The following LRBA variants were observed in gnomAD, a reference collection of about 807,000 sequenced individuals.
LRBA encodes the protein lipopolysaccharide-responsive and beige-like anchor protein.
LRBA carries 176 observed loss-of-function variants against 330.0 expected under a neutral mutation model. The observed-to-expected ratio is 0.53, with a 90% CI of 0.47 to 0.60. The LOEUF is 0.60. Among genes scored for constraint, LRBA ranks in the 20% least tolerant of loss-of-function variants. The pLI, the probability that LRBA is intolerant of heterozygous loss-of-function variation, is 0.00. For missense variants in LRBA, 3,259 were observed against 3,444.8 expected (o/e 0.95, Z 1.35); for synonymous variants, 1,230 against 1,193.0 (o/e 1.03, Z -0.64).
At chr4:150,545,555 C>T (rs3922785) in intron 40 of LRBA, among the ~76,000 whole-genome samples, 9,562 of 151,992 alleles carry the variant, frequency 0.063, 485 homozygotes, top group East Asian at 0.18. Context: ...AAAAATAATT[C>T]GCAACTTAAC....
In LRBA at chr4:150,274,284, G is replaced by A. The variant is rs190252087; in HGVS notation, c.8468+3569C>T. 6.6e-5 allele frequency among the ~76,000 whole-genome samples: 10 copies of A among 152,306 alleles called. No individual in the cohort carries two copies. In the East Asian group the frequency reaches 9.6e-4, roughly 15 times the overall value. ...ATGAGAACAAAGACACAACATACCA[G>A]AATCTCTGGGACACATTTAAAATAG... On this transcript the variant is annotated intron_variant, in intron 56 of 56. Transcript: ENST00000651943.
At chr4:150,360,969 C>T (rs1487290725) in intron 47 of LRBA, among the ~76,000 whole-genome samples, 1 of 152,144 alleles carries the variant, frequency 6.6e-6, no homozygotes, top group East Asian at 1.9e-4. Context: ...CTTAAAGGTC[C>T]TTAGTTAGAG....
intron 12 of LRBA, 151 bp from the exon 13 acceptor site, chr4:150,906,141 A>G (rs953534289): frequency 2.1e-5 from 17 of 819,578 alleles, no homozygotes; most frequent in Middle Eastern, 3.0e-4. Flanking sequence ...TGATAGAGGA[A>G]TGGAGGCAAG....
intron 34 of LRBA, among the ~76,000 whole-genome samples, chr4:150,792,194 A>T (rs1740047437): frequency 6.7e-6 from 1 of 149,290 alleles, no homozygotes. Flanking sequence ...CCGGATAGTA[A>T]GTTTTAGTTA....
At chr4:150,784,184 A>G (rs772947069) in intron 34 of LRBA, among the ~76,000 whole-genome samples, 1 of 152,216 alleles carries the variant, frequency 6.6e-6, no homozygotes. Flanking sequence ...GCTAATTAAC[A>G]TATCTATAGC....
At chr4:150,636,577 G>A (rs1374720725) in intron 37 of LRBA, among the ~76,000 whole-genome samples, 1 of 152,168 alleles carries the variant, frequency 6.6e-6, no homozygotes, top group Admixed American at 6.5e-5. Flanking sequence ...GGCTTTAGGT[G>A]CATTCATTGC....
chr4:150,467,047 G>C (rs1347093087), intron 44 of LRBA, among the ~76,000 whole-genome samples: 1 of 152,068 alleles, frequency 6.6e-6, no homozygotes, highest in Non-Finnish European at 1.5e-5. Flanking sequence ...ATACCAGAGA[G>C]CATGAAAGTT....
chr4:150,868,526 T>C (rs1339724402), intron 20 of LRBA, among the ~76,000 whole-genome samples: 2 of 152,120 alleles, frequency 1.3e-5, no homozygotes, highest in Non-Finnish European at 2.9e-5. Flanking sequence ...GATTCAAATG[T>C]GCAAAAATAA....
intron 2 of LRBA, among the ~76,000 whole-genome samples, chr4:150,966,730 A>G (rs1263042841): frequency 6.6e-6 from 1 of 152,220 alleles, no homozygotes; most frequent in Non-Finnish European, 1.5e-5. Context: ...TGCTAGTTTA[A>G]GCATTTGGCT....
chr4:150,488,619 T>A (rs1436498584), intron 41 of LRBA, among the ~76,000 whole-genome samples: 1 of 151,336 alleles, frequency 6.6e-6, no homozygotes, highest in South Asian at 2.1e-4. Context: ...AATCATACAA[T>A]CTTGAGAGAG....
chr4:150,492,007 T>A (rs1013831517), intron 40 of LRBA, among the ~76,000 whole-genome samples: 1 of 152,006 alleles, frequency 6.6e-6, no homozygotes, highest in Admixed American at 6.6e-5. Flanking sequence ...AATGAAACAT[T>A]TGATTATGAT....
intron 30 of LRBA, among the ~76,000 whole-genome samples, chr4:150,820,294 T>C (rs1054597097): frequency 1.3e-4 from 20 of 152,038 alleles, no homozygotes; most frequent in African/African-American, 4.8e-4. Flanking sequence ...TTTCCCCATG[T>C]TGACCTTTCT....
At chr4:150,913,617 G>C (rs1294944315) in intron 9 of LRBA, among the ~76,000 whole-genome samples, 1 of 152,146 alleles carries the variant, frequency 6.6e-6, no homozygotes. Context: ...ATTCATTATT[G>C]AAAGCTGAAT....
intron 35 of LRBA, among the ~76,000 whole-genome samples, chr4:150,741,395 A>G (rs1046098923): frequency 2.0e-5 from 3 of 152,298 alleles, no homozygotes; most frequent in Admixed American, 6.5e-5. Flanking sequence ...GGTGAATAAG[A>G]TTATGAAAAG....
At chr4:150,519,426 T>C (rs1762695317) in intron 40 of LRBA, among the ~76,000 whole-genome samples, 1 of 152,210 alleles carries the variant, frequency 6.6e-6, no homozygotes, top group Non-Finnish European at 1.5e-5. Context: ...TGATTAGTTT[T>C]GCCTAATCTA....
chr4:150,639,795 A>G lies in LRBA; in HGVS notation c.5922-40664T>C, dbSNP rs1476348052. On this transcript the variant is annotated intron_variant, in intron 37 of 56. Coordinates refer to ENST00000651943, the MANE Select transcript of LRBA (RefSeq NM_001364905.1). ...TATATATATATATGTGTGTGTGTATATATATATATATGTGTGTGTGTGTGT... is the reference window on the plus strand; with the variant it reads ...TATATATATATATGTGTGTGTGTATGTATATATATATGTGTGTGTGTGTGT... Among the ~76,000 whole-genome samples, 7 of 4,528 alleles carry G rather than the reference A, an allele frequency of 1.5e-3. 1 individual carries two copies. The highest frequency in any genetic ancestry group is 5.3e-3 in the South Asian group (1 of 190). The allele number at this position is 4,528 out of a possible 152,430, so 3.0% of individuals were successfully genotyped here.
intron 47 of LRBA, among the ~76,000 whole-genome samples, chr4:150,368,928 T>A (rs554484689): frequency 2.0e-5 from 3 of 152,156 alleles, no homozygotes; most frequent in African/African-American, 7.2e-5. Context: ...ATTAAACTGT[T>A]TGGAGTGTTC....
intron 9 of LRBA, among the ~76,000 whole-genome samples, chr4:150,912,222 C>T (rs914279199): frequency 6.6e-6 from 1 of 152,020 alleles, no homozygotes; most frequent in East Asian, 1.9e-4. Flanking sequence ...CTGTTAGGAA[C>T]AACAGCAAGA....
At chr4:150,613,973 G>A (rs144654627) in intron 37 of LRBA, among the ~76,000 whole-genome samples, 7 of 152,228 alleles carry the variant, frequency 4.6e-5, no homozygotes, top group African/African-American at 7.2e-5. Flanking sequence ...CTCTGACCTC[G>A]TGTCCATAAA....
Sources: allele counts gnomAD v4.1 joint callset (sites outside exome capture counted in the v4.1 genomes callset), GRCh38; gene constraint gnomAD v4.1.1; transcripts MANE v1.5; gene names NCBI Gene and HGNC (gene_info 2026-07-23, HGNC 2026-07-21).